DMD: variants seen among roughly 807,000 people sequenced by gnomAD.
DMD encodes the protein dystrophin.
A neutral mutation model predicts 330.1 loss-of-function variants in DMD; 63 were observed. The observed-to-expected ratio is 0.19, with a 90% CI of 0.16 to 0.24. The LOEUF is 0.24. Among genes scored for constraint, DMD ranks in the 10% least tolerant of loss-of-function variants. The pLI is 1.00. For missense variants in DMD, 3,344 were observed against 2,684.1 expected, an observed-to-expected ratio of 1.25 and a Z score of -5.43; for synonymous variants, 1,223 against 959.8, an observed-to-expected ratio of 1.27 and a Z score of -5.07.
chrX:31,304,217 G>C (rs1451499252), intron 62 of DMD, among the ~76,000 whole-genome samples: 1 of 111,654 alleles, frequency 9.0e-6, no homozygotes, highest in East Asian at 2.8e-4. Flanking sequence ...GGGTGAAATT[G>C]GTCATTTATG....
At chrX:31,313,515 TATTTG>T (rs981353044) in intron 62 of DMD, among the ~76,000 whole-genome samples, 8 of 112,130 alleles carry the variant, frequency 7.1e-5, no homozygotes, top group African/African-American at 2.6e-4. Context: ...ATGATTATTT[TATTTG>T]ATTTATTTAT....
At chrX:32,901,889 T>A (rs2086279314) in intron 2 of DMD, among the ~76,000 whole-genome samples, 1 of 110,269 alleles carries the variant, frequency 9.1e-6, no homozygotes, top group Non-Finnish European at 1.9e-5. Flanking sequence ...CCTAGTAAAT[T>A]ATAAGCAGTG....
At chrX:33,168,084 G>A (rs183894165) in intron 1 of DMD, among the ~76,000 whole-genome samples, 2 of 109,684 alleles carry the variant, frequency 1.8e-5, no homozygotes, top group African/African-American at 6.6e-5. Context: ...GAAAGATTGG[G>A]GGCATGGAAG....
At chrX:32,585,648 C>A (rs771054093) in intron 13 of DMD, among the ~76,000 whole-genome samples, 1 of 85,196 alleles carries the variant, frequency 1.2e-5, no homozygotes, top group Non-Finnish European at 2.1e-5. Context: ...TACAGTGAGC[C>A]GAGATCGCGC....
intron 9 of DMD, among the ~76,000 whole-genome samples, chrX:32,677,036 GTTTTA>G (rs757824069): frequency 9.0e-6 from 1 of 111,028 alleles, no homozygotes; most frequent in South Asian, 3.7e-4. Context: ...TAAATTACAT[GTTTTA>G]TTTATTTTTG....
At position 31,368,371 on chromosome X, in the gene DMD, G is replaced by A. The variant is rs749338712; in HGVS notation, c.9085-19737C>T. Among the ~76,000 whole-genome samples, 4 of 111,947 alleles carry A rather than the reference G, an allele frequency of 3.6e-5. No individual in the cohort carries two copies. The South Asian group carries it at 1.5e-3, about 42-fold the overall frequency. On this transcript the variant is annotated intron_variant, in intron 60 of 78. Coordinates refer to ENST00000357033, the MANE Select transcript of DMD (RefSeq NM_004006.3). ...GACGTTGTGTGAAGTTCAGAGCAGC[G>A]GAAAAGGCAGGGGTGCACTGGAGAG... is the stretch of plus-strand genomic sequence containing the variant.
chrX:32,656,346 G>T (rs1326536070), intron 9 of DMD, among the ~76,000 whole-genome samples: 1 of 111,570 alleles, frequency 9.0e-6, no homozygotes, highest in Non-Finnish European at 1.9e-5. Context: ...CAGGACTATG[G>T]ATCCCTGAAT....
chrX:33,316,020 C>A (rs1424261041), intron 1 of DMD, among the ~76,000 whole-genome samples: 3 of 110,119 alleles, frequency 2.7e-5, no homozygotes, highest in Admixed American at 9.8e-5. Flanking sequence ...TGAAAACTAC[C>A]CTTTCCTATA....
chrX:32,478,181 T>C (rs2041439065), intron 21 of DMD, among the ~76,000 whole-genome samples: 1 of 111,276 alleles, frequency 9.0e-6, no homozygotes, highest in South Asian at 3.7e-4. Flanking sequence ...ATTGACAGCA[T>C]TTAAAAACAT....
At chrX:32,963,406 G>C (rs2147061405) in intron 2 of DMD, among the ~76,000 whole-genome samples, 1 of 112,090 alleles carries the variant, frequency 8.9e-6, no homozygotes, top group Non-Finnish European at 1.9e-5. Context: ...CCATAGCTAT[G>C]AAAGTCTTGA....
At chrX:31,470,777 C>G (rs2067236882) in intron 59 of DMD, among the ~76,000 whole-genome samples, 1 of 111,867 alleles carries the variant, frequency 8.9e-6, no homozygotes, top group Non-Finnish European at 1.9e-5. Flanking sequence ...GTGCTCTGTC[C>G]CAGGGAGATG....
intron 2 of DMD, among the ~76,000 whole-genome samples, chrX:33,008,867 C>A (rs2093465392): frequency 2.0e-5 from 1 of 50,529 alleles, no homozygotes; most frequent in South Asian, 8.9e-4. Context: ...TATATATACA[C>A]ATACTCATAT....
chrX:33,019,415 A>T (rs2093870534), intron 2 of DMD, among the ~76,000 whole-genome samples: 1 of 111,590 alleles, frequency 9.0e-6, no homozygotes, highest in Non-Finnish European at 1.9e-5. Context: ...ATGGAAACAT[A>T]AGAAAACCGA....
At chrX:32,723,740 G>A (rs1298535572) in intron 7 of DMD, among the ~76,000 whole-genome samples, 1 of 110,744 alleles carries the variant, frequency 9.0e-6, no homozygotes. Context: ...ATTTCATTAT[G>A]TCTATGTATA....
At chrX:32,746,478 T>A (rs1037884503) in intron 7 of DMD, among the ~76,000 whole-genome samples, 4 of 111,871 alleles carry the variant, frequency 3.6e-5, no homozygotes, top group Non-Finnish European at 7.5e-5. Flanking sequence ...ACCTGGGACC[T>A]TTTTAGAAAT....
chrX:32,808,611 C>T (rs888893890), intron 7 of DMD, among the ~76,000 whole-genome samples: 8 of 111,290 alleles, frequency 7.2e-5, no homozygotes, highest in African/African-American at 2.6e-4. Context: ...ACCTACCATC[C>T]ATATTGAAAG....
intron 57 of DMD, among the ~76,000 whole-genome samples, chrX:31,486,764 C>T (rs1162085607): frequency 4.5e-5 from 5 of 112,029 alleles, no homozygotes; most frequent in African/African-American, 9.7e-5. Context: ...TGCCATCCTA[C>T]GTCATCATTC....
chrX:32,715,469 CAAAAAAAAAA>C (rs61325834), intron 7 of DMD, among the ~76,000 whole-genome samples: 4 of 17,216 alleles, frequency 2.3e-4, no homozygotes, highest in African/African-American at 5.0e-4. Flanking sequence ...GAGATTCCAT[CAAAAAAAAAA>C]AAAAAAAAAA....
intron 52 of DMD, among the ~76,000 whole-genome samples, chrX:31,719,867 A>C (rs1213519390): frequency 1.8e-5 from 2 of 111,474 alleles, no homozygotes; most frequent in East Asian, 5.6e-4. Flanking sequence ...CAAGTAACTC[A>C]CTGTGAAAGT....
Sources: gnomAD v4.1 joint callset for allele counts (sites outside exome capture counted in the v4.1 genomes callset) on GRCh38, gnomAD v4.1.1 for gene constraint, MANE v1.5 for transcripts, NCBI Gene and HGNC (gene_info 2026-07-23, HGNC 2026-07-21) for gene names.